SOAT1: variants seen among roughly 807,000 people sequenced by gnomAD.
SOAT1 encodes acyl-coenzyme A:cholesterol acyltransferase 1.
A neutral mutation model predicts 69.5 loss-of-function variants in SOAT1; 55 were observed. The observed-to-expected ratio is 0.79, with a 90% CI of 0.64 to 0.99. SOAT1 has a LOEUF of 0.99. SOAT1 is among the 50% of genes least tolerant of loss of function. The pLI, the probability that SOAT1 is intolerant of heterozygous loss-of-function variation, is 0.00. For synonymous variants in SOAT1, 231 were observed against 224.7 expected (o/e 1.03, Z -0.25); for missense variants, 580 against 669.3 (o/e 0.87, Z 1.47).
chr1:179,323,805 A>G (rs918578170), intron 3 of SOAT1, among the ~76,000 whole-genome samples: 5 of 152,210 alleles, frequency 3.3e-5, no homozygotes, highest in Non-Finnish European at 7.3e-5. Flanking sequence ...AGTATCTGTC[A>G]TGATTCATAG....
intron 11 of SOAT1, among the ~76,000 whole-genome samples, chr1:179,345,639 A>T (rs1277343679): frequency 1.3e-5 from 2 of 151,150 alleles, no homozygotes; most frequent in African/African-American, 2.4e-5. Flanking sequence ...ATGGCTTACT[A>T]GCCTCGACCT....
At chr1:179,323,367 T>G in intron 2 of SOAT1, 70 bp from the exon 3 acceptor site, 1 of 1,301,564 alleles carries the variant, frequency 7.7e-7, no homozygotes, top group Non-Finnish European at 1.1e-6. Context: ...TTTTCAACTT[T>G]ATGATTTAGA....
intron 2 of SOAT1, among the ~76,000 whole-genome samples, chr1:179,303,431 A>C (rs147629580): frequency 6.6e-6 from 1 of 152,342 alleles, no homozygotes; most frequent in East Asian, 1.9e-4. Flanking sequence ...GATGTCATCT[A>C]TTGCATCAGG....
intron 1 of SOAT1, 49 bp from the exon 2 acceptor site, chr1:179,302,628 C>G: frequency 8.8e-7 from 1 of 1,132,666 alleles, no homozygotes; most frequent in Non-Finnish European, 1.3e-6. Flanking sequence ...TAGTGTATAG[C>G]AGTGTGAAAA....
At chr1:179,307,989 C>T (rs1305501241) in intron 2 of SOAT1, among the ~76,000 whole-genome samples, 14 of 152,028 alleles carry the variant, frequency 9.2e-5, no homozygotes, top group Admixed American at 7.2e-4. Flanking sequence ...GGGGTTTCTC[C>T]ATGTTGGTCA....
At position 179,323,419 on chromosome 1, in the gene SOAT1, GT is replaced by G. The variant is rs1219852596; in HGVS notation, c.119-11del. 2.5e-6 allele frequency: 4 copies of G among 1,611,368 alleles called. No homozygotes were observed. Among genetic ancestry groups the G allele is most frequent in the Non-Finnish European group, 3.4e-6 (4 of 1,178,348 alleles). On this transcript the variant is annotated splice_polypyrimidine_tract_variant and intron_variant, in intron 2 of 15. Coordinates refer to ENST00000367619, the MANE Select transcript of SOAT1 (RefSeq NM_003101.6). ...CTGTATCCATCAACTTAAAAGTCAT[GT>G]TTTTTTCTTCCCGTAGGTCGAATTG...
chr1:179,341,465 A>G (rs1271001436), intron 7 of SOAT1, among the ~76,000 whole-genome samples, 155 bp downstream of exon 7: 1 of 152,074 alleles, frequency 6.6e-6, no homozygotes, highest in Admixed American at 6.6e-5. Context: ...GTTAAACTAG[A>G]ATCATCTCAC....
Position 179,295,258 on chromosome 1 carries a change from C to G in SOAT1, c.-9+1322C>G, listed in dbSNP as rs1301147787. 2.0e-5 allele frequency among the ~76,000 whole-genome samples: 3 copies of G among 152,118 alleles called. 1 individual carries two copies. Among genetic ancestry groups the G allele is most frequent in the Non-Finnish European group, 4.4e-5 (3 of 68,032 alleles). On this transcript the variant is annotated intron_variant, in intron 1 of 15. Coordinates refer to ENST00000367619, the MANE Select transcript of SOAT1 (RefSeq NM_003101.6). ...AGCTTCATTTTCTTTCCTCTCTTGG[C>G]TTTTAGGAGTTTCCTCCACCTCTAA... is the stretch of plus-strand genomic sequence containing the variant.
intron 4 of SOAT1, 82 bp from the exon 5 acceptor site, chr1:179,337,754 TG>T: frequency 2.1e-6 from 2 of 939,100 alleles, no homozygotes; most frequent in Non-Finnish European, 3.2e-6. Flanking sequence ...ATGGTGTTAT[TG>T]GTATATTCTC....
intron 9 of SOAT1, 79 bp downstream of exon 9, chr1:179,343,022 A>G: frequency 9.6e-7 from 1 of 1,043,894 alleles, no homozygotes; most frequent in South Asian, 1.3e-5. Context: ...AACAGGGGCC[A>G]GTTCATGTAG....
chr1:179,311,589 A>G (rs993572400), intron 2 of SOAT1, among the ~76,000 whole-genome samples: 6 of 111,102 alleles, frequency 5.4e-5, no homozygotes, highest in Non-Finnish European at 1.0e-4. Context: ...TAAAAAAAAA[A>G]TCGTTTCTAA....
At chr1:179,300,972 G>A (rs993875744) in intron 1 of SOAT1, among the ~76,000 whole-genome samples, 1 of 152,130 alleles carries the variant, frequency 6.6e-6, no homozygotes, top group Non-Finnish European at 1.5e-5. Flanking sequence ...GCAGTCACCT[G>A]TAATCTCAGC....
At chr1:179,339,821 G>A (rs1473732216) in intron 6 of SOAT1, among the ~76,000 whole-genome samples, 1 of 152,116 alleles carries the variant, frequency 6.6e-6, no homozygotes. Flanking sequence ...GTTGACCTAC[G>A]AACAGCACGG....
intron 11 of SOAT1, among the ~76,000 whole-genome samples, chr1:179,347,377 C>T (rs1489698664): frequency 8.3e-6 from 1 of 120,024 alleles, no homozygotes; most frequent in Non-Finnish European, 1.8e-5. Flanking sequence ...AAAAAAAAAC[C>T]AGACTGGGTA....
chr1:179,333,914 T>C (rs953635525), intron 3 of SOAT1, among the ~76,000 whole-genome samples: 18 of 152,020 alleles, frequency 1.2e-4, no homozygotes, highest in African/African-American at 3.9e-4. Flanking sequence ...TATTCAGGAC[T>C]GTCAACCAAA....
intron 5 of SOAT1, among the ~76,000 whole-genome samples, 193 bp downstream of exon 5, chr1:179,338,089 G>T (rs1666219424): frequency 6.6e-6 from 1 of 152,006 alleles, no homozygotes; most frequent in Non-Finnish European, 1.5e-5. Flanking sequence ...AGGAGTTAGG[G>T]ATAAGAATGG....
intron 2 of SOAT1, among the ~76,000 whole-genome samples, chr1:179,316,354 T>C (rs74130140): frequency 0.03 from 4,560 of 151,854 alleles, 222 homozygotes; most frequent in African/African-American, 0.1. Context: ...TTTTAACCCC[T>C]GCGTCAGACA....
chr1:179,333,397 T>TTA (rs1553246592), intron 3 of SOAT1, among the ~76,000 whole-genome samples: 1 of 147,598 alleles, frequency 6.8e-6, no homozygotes, highest in East Asian at 2.0e-4. Flanking sequence ...ATTCCTCTTC[T>TTA]AAAAAAAAAA....
intron 4 of SOAT1, among the ~76,000 whole-genome samples, chr1:179,337,605 A>G (rs1666202193): frequency 3.9e-5 from 6 of 152,172 alleles, no homozygotes; most frequent in Admixed American, 3.9e-4. Context: ...AGAGTTGTGT[A>G]TGTACCTGCC....
Sources: allele counts gnomAD v4.1 joint callset (sites outside exome capture counted in the v4.1 genomes callset), GRCh38; gene constraint gnomAD v4.1.1; transcripts MANE v1.5; gene names NCBI Gene and HGNC (gene_info 2026-07-23, HGNC 2026-07-21).